The following POU2F3 variants were observed in gnomAD, a reference collection of about 807,000 sequenced individuals.
The protein encoded by POU2F3 is POU domain, class 2, transcription factor 3.
In POU2F3, 23 loss-of-function variants were observed where a neutral mutation model predicts 59.2. That is an observed-to-expected ratio of 0.39 (90% CI 0.28 to 0.55). POU2F3 has a LOEUF of 0.55. Ranked by LOEUF, POU2F3 falls within the 20% of genes least tolerant of loss-of-function variation. The probability of loss-of-function intolerance (pLI) is 0.66; values close to 1 mark genes in which losing one functional copy is unlikely to be tolerated. For missense variants in POU2F3, 473 were observed against 544.5 expected (o/e 0.87, Z 1.31); for synonymous variants, 190 against 214.6 (o/e 0.89, Z 1.00).
At chr11:120,283,541 G>A (rs1045519094) in intron 3 of POU2F3, among the ~76,000 whole-genome samples, 16 of 152,086 alleles carry the variant, frequency 1.1e-4, no homozygotes, top group Admixed American at 9.8e-4. Context: ...GGGAAGCAAC[G>A]AGAATCCTGT....
chr11:120,279,747 A>C (rs1341579504), intron 3 of POU2F3, among the ~76,000 whole-genome samples: 1 of 152,220 alleles, frequency 6.6e-6, no homozygotes, highest in Non-Finnish European at 1.5e-5. Context: ...GCCCTGTGGC[A>C]AGCCCCATAA....
At chr11:120,307,906 A>G (rs1941543851) in intron 9 of POU2F3, among the ~76,000 whole-genome samples, 1 of 152,234 alleles carries the variant, frequency 6.6e-6, no homozygotes, top group Non-Finnish European at 1.5e-5. Context: ...ATAGGGTCCC[A>G]GAACACAGTG....
chr11:120,305,800 C>T lies in POU2F3; in HGVS notation c.769+15C>T, dbSNP rs1453236391. ...GAATGATGCAGGTAGGCCTCGCAAA[C>T]ACGGATGCCAGGGGCCCTAGAGGGC... On this transcript the variant is annotated intron_variant, in intron 8 of 12. Transcript: ENST00000543440. The T allele has an allele frequency of 6.2e-7, 1 of 1,612,452 alleles. No individual in the cohort carries two copies. Among genetic ancestry groups the T allele is most frequent in the Non-Finnish European group, 8.5e-7 (1 of 1,179,774 alleles).
At chr11:120,292,593 C>G (rs1213255015) in intron 3 of POU2F3, among the ~76,000 whole-genome samples, 1 of 152,288 alleles carries the variant, frequency 6.6e-6, no homozygotes, top group South Asian at 2.1e-4. Flanking sequence ...GTCAAAGAAC[C>G]AGAGAGGGTA....
chr11:120,263,239 C>G (rs1028629173), intron 2 of POU2F3, among the ~76,000 whole-genome samples: 22 of 152,154 alleles, frequency 1.4e-4, no homozygotes, highest in Non-Finnish European at 2.2e-4. Flanking sequence ...ATCTGCCCAC[C>G]CTGGCATCCC....
chr11:120,237,603 C>T (rs997253420), upstream of POU2F3, among the ~76,000 whole-genome samples: 4 of 152,148 alleles, frequency 2.6e-5, no homozygotes, highest in East Asian at 1.9e-4. Context: ...AAAAGGGCAA[C>T]GGGCCCCAGA....
chr11:120,302,250 A>G (rs775916807), intron 5 of POU2F3, 36 bp from the exon 6 acceptor site: 21 of 1,526,524 alleles, frequency 1.4e-5, no homozygotes, highest in African/African-American at 4.1e-5. Flanking sequence ...CCTGGATTTT[A>G]TTTGTCTGTT....
intron 10 of POU2F3, 120 bp downstream of exon 10, chr11:120,309,706 G>A (rs1591443071): frequency 1.7e-6 from 2 of 1,189,760 alleles, no homozygotes; most frequent in East Asian, 2.5e-5. Context: ...AAGAGATGCT[G>A]TATAGAATAT....
At chr11:120,288,127 C>CAAAAAA (rs1491240764) in intron 3 of POU2F3, among the ~76,000 whole-genome samples, 1 of 7,630 alleles carries the variant, frequency 1.3e-4, no homozygotes. Flanking sequence ...AACAAAAAAA[C>CAAAAAA]CAAAAAAAAA....
intron 3 of POU2F3, among the ~76,000 whole-genome samples, chr11:120,288,140 A>AAAC (rs1940871259): frequency 6.7e-6 from 1 of 149,066 alleles, no homozygotes; most frequent in Admixed American, 6.7e-5. Context: ...AAAAAAAAAA[A>AAAC]AAAAAAAACA....
intron 2 of POU2F3, among the ~76,000 whole-genome samples, chr11:120,260,548 C>A (rs373178504): frequency 6.6e-6 from 1 of 152,222 alleles, no homozygotes; most frequent in South Asian, 2.1e-4. Context: ...AATCCTGGGG[C>A]TCCCCAGAAT....
upstream of POU2F3, among the ~76,000 whole-genome samples, chr11:120,238,376 C>T (rs1400255423): frequency 6.6e-6 from 1 of 152,148 alleles, no homozygotes; most frequent in Non-Finnish European, 1.5e-5. Flanking sequence ...CTTCCTGTTC[C>T]TCTGGGGCCA....
At chr11:120,317,673 G>C (rs1941824151) in intron 12 of POU2F3, among the ~76,000 whole-genome samples, 1 of 152,078 alleles carries the variant, frequency 6.6e-6, no homozygotes, top group South Asian at 2.1e-4. Context: ...TCCTTTGCTG[G>C]GCTTCATGGG....
chr11:120,293,518 G>GA (rs980873856), intron 3 of POU2F3, among the ~76,000 whole-genome samples: 18 of 151,640 alleles, frequency 1.2e-4, no homozygotes, highest in Admixed American at 3.3e-4. Flanking sequence ...GGGGGAGAAA[G>GA]AAAAAAAAAT....
At chr11:120,305,298 G>C (rs776439619) in intron 7 of POU2F3, 86 bp downstream of exon 7, 23 of 1,460,980 alleles carry the variant, frequency 1.6e-5, no homozygotes, top group Admixed American at 4.3e-5. Context: ...AGAGCGACCA[G>C]AGGCTCGATG....
chr11:120,237,004 C>T (rs1158114834), upstream of POU2F3, among the ~76,000 whole-genome samples: 14 of 152,264 alleles, frequency 9.2e-5, no homozygotes, highest in East Asian at 1.4e-3. Context: ...CTTTCTACCT[C>T]GTTATCTGAT....
At chr11:120,306,687 CGATTCATATG>C (rs1941500523) in intron 8 of POU2F3, among the ~76,000 whole-genome samples, 1 of 152,008 alleles carries the variant, frequency 6.6e-6, no homozygotes, top group Non-Finnish European at 1.5e-5. Flanking sequence ...TCTATTCAGT[CGATTCATATG>C]GATTCGTGGT....
At position 120,305,119 on chromosome 11, in the gene POU2F3, C is replaced by T; in HGVS notation, c.534C>T (p.Ser178=). The T allele has an allele frequency of 1.2e-6, 2 of 1,614,002 alleles. No individual in the cohort carries two copies. The highest frequency in any genetic ancestry group is 1.7e-6 in the Non-Finnish European group (2 of 1,180,022). ...TCCCAGTGCCCAAGCATCTACCCAGCTCTGGAGGGGCCGATGAGCCCAGTG... is the reference window on the plus strand; with the variant it reads ...TCCCAGTGCCCAAGCATCTACCCAGTTCTGGAGGGGCCGATGAGCCCAGTG... The part of the protein sequence containing the change: ...QHLPVPKHLP[S]SGGADEPSDL... Residue 178 remains serine, a synonymous_variant, in exon 7 of 13, where the codon AGC becomes AGT. Transcript: ENST00000543440.
chr11:120,273,932 C>T (rs371995410), intron 3 of POU2F3, among the ~76,000 whole-genome samples: 5 of 151,748 alleles, frequency 3.3e-5, no homozygotes, highest in Non-Finnish European at 7.4e-5. Flanking sequence ...CAGGGAGAAT[C>T]GCTTGAACCT....
Sources: allele counts gnomAD v4.1 joint callset (sites outside exome capture counted in the v4.1 genomes callset), GRCh38; gene constraint gnomAD v4.1.1; transcripts MANE v1.5; gene names NCBI Gene and HGNC (gene_info 2026-07-23, HGNC 2026-07-21).